LRRIQ4: variants seen among roughly 807,000 people sequenced by gnomAD.
The protein encoded by LRRIQ4 is leucine-rich repeat and IQ domain-containing protein 4.
LRRIQ4 carries 21 observed loss-of-function variants against 40.1 expected under a neutral mutation model. The observed-to-expected ratio is 0.52, with a 90% confidence interval of 0.37 to 0.75. LRRIQ4 has a LOEUF of 0.75. Ranked by LOEUF, LRRIQ4 falls within the 30% of genes least tolerant of loss-of-function variation. The pLI, the probability that LRRIQ4 is intolerant of heterozygous loss-of-function variation, is 0.00. For missense variants in LRRIQ4, 655 were observed against 660.0 expected, an observed-to-expected ratio of 0.99 and a Z score of 0.08; for synonymous variants, 277 against 277.1, an observed-to-expected ratio of 1.00 and a Z score of 0.00.
chr3:169,822,512 G>C lies in LRRIQ4; in HGVS notation c.591G>C (p.Glu197Asp). 1.2e-6 allele frequency: 2 copies of C among 1,614,008 alleles called. No individual in the cohort carries two copies. The highest frequency in any genetic ancestry group is 1.1e-5 in the South Asian group (1 of 91,074). Residue 197 changes from glutamate (E) to aspartate (D), a missense_variant, in exon 2 of 6, where the codon GAG (glutamate) becomes GAC (aspartate). By Grantham distance (45) the Glu-to-Asp change is conservative. Coordinates refer to ENST00000340806, the MANE Select transcript of LRRIQ4 (RefSeq NM_001080460.3). ...LYTLEIIDLDENKIGAIPEEI... is the reference protein window; with the variant it reads ...LYTLEIIDLDDNKIGAIPEEI... The stretch of plus-strand genomic sequence containing the variant: ...CCCTGGAAATCATTGACCTGGACGA[G>C]AACAAAATAGGTGCCATCCCAGAAG...
intron 5 of LRRIQ4, among the ~76,000 whole-genome samples, chr3:169,836,287 G>GA (rs1421342366): frequency 2.0e-5 from 3 of 152,072 alleles, no homozygotes; most frequent in African/African-American, 7.2e-5. Context: ...AGGCCTCACT[G>GA]AAAAAATGGC....
Position 169,837,678 on chromosome 3 carries a change from A to G in LRRIQ4, c.*47A>G. Reference sequence around the variant, plus strand: ...GGTAATGGACCTTGATAGATTAAGAAGACAAAATATCTAGGAATTAGATGC... The same window carrying G: ...GGTAATGGACCTTGATAGATTAAGAGGACAAAATATCTAGGAATTAGATGC... On this transcript the variant is annotated 3_prime_UTR_variant, in exon 6 of 6. Coordinates refer to ENST00000340806, the MANE Select transcript of LRRIQ4 (RefSeq NM_001080460.3). 1 of 1,432,500 alleles carries G rather than the reference A, an allele frequency of 7.0e-7. No homozygotes were observed. The highest frequency in any genetic ancestry group is 9.3e-7 in the Non-Finnish European group (1 of 1,069,768). 88.7% of individuals were successfully genotyped at this position (1,432,500 alleles called of 1,614,324 possible).
intron 4 of LRRIQ4, 78 bp from the exon 5 acceptor site, chr3:169,832,909 C>A: frequency 7.7e-7 from 1 of 1,293,404 alleles, no homozygotes; most frequent in East Asian, 2.3e-5. Flanking sequence ...GATCCCTCAC[C>A]TATGTGGACA....
Position 169,828,746 on chromosome 3 carries a change from GGAATACTTCT to G in LRRIQ4, c.1021-12_1021-3del. ...ATCTTGACCTGAAACTTATCTTTTT[GGAATACTTCT>G]AGTTACCTTCAGAATTGGGCTCACT... On this transcript the variant is annotated splice_region_variant and splice_polypyrimidine_tract_variant and intron_variant, in intron 2 of 5. Transcript: ENST00000340806. The G allele has an allele frequency of 6.3e-7, 1 of 1,598,868 alleles. No homozygotes were observed. The highest frequency in any genetic ancestry group is 8.5e-7 in the Non-Finnish European group (1 of 1,175,902).
chr3:169,824,821 T>G (rs1275111038), intron 2 of LRRIQ4, among the ~76,000 whole-genome samples: 2 of 151,820 alleles, frequency 1.3e-5, no homozygotes, highest in African/African-American at 4.8e-5. Flanking sequence ...CCTATAATAT[T>G]TGATTTAAAA....
At chr3:169,815,447 T>C (rs1056793065) in intron 1 of LRRIQ4, among the ~76,000 whole-genome samples, 1 of 152,202 alleles carries the variant, frequency 6.6e-6, no homozygotes, top group Non-Finnish European at 1.5e-5. Context: ...TGTTTGCTGT[T>C]GGTATATAAA....
chr3:169,826,000 C>G (rs1224621073), intron 2 of LRRIQ4, among the ~76,000 whole-genome samples: 1 of 152,174 alleles, frequency 6.6e-6, no homozygotes, highest in East Asian at 1.9e-4. Context: ...CTCTTAAAGC[C>G]TAACCAGTAG....
rs1265146032 is a variant in LRRIQ4, at chr3:169,833,134, T to TA, written c.1482dup (p.Trp495MetfsTer35). On this transcript the variant is annotated frameshift_variant, in exon 5 of 6. Transcript: ENST00000340806. LOFTEE classifies it low-confidence loss of function (END_TRUNC). ...GTGTGTGCTGAAGGCAATGAGGCCA[T>TA]ATGGAAATACCTCAAGGAAAACAGA... 2 of 1,613,888 alleles carry TA rather than the reference T, an allele frequency of 1.2e-6. No homozygotes were observed. Among genetic ancestry groups the TA allele is most frequent in the Non-Finnish European group, 1.7e-6 (2 of 1,179,866 alleles).
chr3:169,832,326 G>A (rs1337217718), intron 4 of LRRIQ4, among the ~76,000 whole-genome samples: 7 of 151,740 alleles, frequency 4.6e-5, no homozygotes, highest in African/African-American at 1.5e-4. Flanking sequence ...AAATTAGCTG[G>A]GCTTGGTGGT....
At chr3:169,831,067 G>T (rs904511738) in intron 4 of LRRIQ4, among the ~76,000 whole-genome samples, 1 of 152,010 alleles carries the variant, frequency 6.6e-6, no homozygotes, top group African/African-American at 2.4e-5. Context: ...CTACATAATT[G>T]ACCTGGAAAA....
chr3:169,825,749 G>A (rs551251175), intron 2 of LRRIQ4, among the ~76,000 whole-genome samples: 1 of 152,328 alleles, frequency 6.6e-6, no homozygotes, highest in South Asian at 2.1e-4. Context: ...AAGTCAAACT[G>A]CACTGAAATG....
intron 1 of LRRIQ4, among the ~76,000 whole-genome samples, chr3:169,813,611 A>G (rs60358754): frequency 1.3e-5 from 2 of 152,256 alleles, no homozygotes; most frequent in East Asian, 1.9e-4. Context: ...ACCTTACTTC[A>G]TCCTCTTCAT....
intron 2 of LRRIQ4, 87 bp from the exon 3 acceptor site, chr3:169,828,672 C>A: frequency 1.7e-6 from 2 of 1,186,258 alleles, no homozygotes; most frequent in Non-Finnish European, 2.4e-6. Flanking sequence ...ACTTGTTTAG[C>A]AGTCTGCCTC....
intron 4 of LRRIQ4, 54 bp downstream of exon 4, chr3:169,830,684 T>A: frequency 1.2e-6 from 2 of 1,605,052 alleles, no homozygotes; most frequent in South Asian, 2.2e-5. Flanking sequence ...CAGCATTTCC[T>A]ATGGCAAATG....
chr3:169,837,758 C>A lies in LRRIQ4; in HGVS notation c.*127C>A. ...CACTTATGTGTAAAAATAAATGATT[C>A]TTACTTTTACTGAAATATTTATGGA... On this transcript the variant is annotated 3_prime_UTR_variant, in exon 6 of 6. Coordinates refer to ENST00000340806, the MANE Select transcript of LRRIQ4 (RefSeq NM_001080460.3). 2 of 753,636 alleles carry A rather than the reference C, an allele frequency of 2.7e-6. No homozygotes were observed. Among genetic ancestry groups the A allele is most frequent in the Admixed American group, 3.6e-5 (1 of 27,992 alleles). The allele number at this position is 753,636 out of a possible 1,614,324, so 46.7% of individuals were successfully genotyped here. A position where few individuals can be genotyped will look rare whatever the true frequency, so the allele number is the denominator to read the frequency against.
intron 1 of LRRIQ4, among the ~76,000 whole-genome samples, chr3:169,818,744 G>T (rs1444221939): frequency 2.0e-5 from 3 of 152,194 alleles, no homozygotes. Context: ...GTCAATTAAG[G>T]TTACTTTTAG....
intron 1 of LRRIQ4, among the ~76,000 whole-genome samples, chr3:169,818,944 A>C (rs1779817636): frequency 6.6e-6 from 1 of 152,224 alleles, no homozygotes; most frequent in Admixed American, 6.5e-5. Flanking sequence ...CAAAAGCATC[A>C]ACACTCACTG....
chr3:169,821,330 G>A (rs757553772), intron 1 of LRRIQ4, among the ~76,000 whole-genome samples: 5 of 151,378 alleles, frequency 3.3e-5, no homozygotes, highest in Non-Finnish European at 7.4e-5. Flanking sequence ...TTCAGAATAG[G>A]CATTTTTTTT....
At chr3:169,829,434 C>T (rs1208842227) in intron 3 of LRRIQ4, among the ~76,000 whole-genome samples, 10 of 151,764 alleles carry the variant, frequency 6.6e-5, no homozygotes, top group Admixed American at 4.6e-4. Context: ...AACAGGATAA[C>T]TTCATTCAAA....
Sources: gnomAD v4.1 joint callset for allele counts (sites outside exome capture counted in the v4.1 genomes callset) on GRCh38, gnomAD v4.1.1 for gene constraint, MANE v1.5 for transcripts, NCBI Gene and HGNC (gene_info 2026-07-23, HGNC 2026-07-21) for gene names.